DAAM1: variants seen among roughly 807,000 people sequenced by gnomAD.
The protein encoded by DAAM1 is dishevelled associated activator of morphogenesis 1.
DAAM1 carries 52 observed loss-of-function variants against 130.0 expected under a neutral mutation model. The observed-to-expected ratio is 0.40, with a 90% CI of 0.32 to 0.50. The LOEUF (loss-of-function observed/expected upper bound fraction) is 0.50. Among genes scored for constraint, DAAM1 ranks in the 20% least tolerant of loss-of-function variants. The probability of loss-of-function intolerance (pLI) is 0.61; values close to 1 mark genes in which losing one functional copy is unlikely to be tolerated. For synonymous variants in DAAM1, 452 were observed against 444.5 expected (o/e 1.02, Z -0.21); for missense variants, 1,134 against 1,303.8 (o/e 0.87, Z 2.01).
chr14:59,258,432 A>G (rs1248740872), intron 1 of DAAM1, among the ~76,000 whole-genome samples: 1 of 152,184 alleles, frequency 6.6e-6, no homozygotes, highest in Non-Finnish European at 1.5e-5. Flanking sequence ...ACCTCCTTCC[A>G]TCTTAAGTCT....
At chr14:59,272,436 TGTG>T (rs1174929019) in intron 2 of DAAM1, among the ~76,000 whole-genome samples, 2 of 151,896 alleles carry the variant, frequency 1.3e-5, no homozygotes, top group Non-Finnish European at 2.9e-5. Flanking sequence ...ATTAGCCAGA[TGTG>T]GTGGCACATG....
At chr14:59,216,903 T>C (rs1888598285) in intron 1 of DAAM1, among the ~76,000 whole-genome samples, 1 of 118,992 alleles carries the variant, frequency 8.4e-6, no homozygotes, top group South Asian at 3.3e-4. Context: ...ATATACTATG[T>C]GTATGTCTAT....
In DAAM1 at chr14:59,291,254, T is replaced by C. The variant is rs1328560487; in HGVS notation, c.221T>C (p.Met74Thr). The change falls in exon 3 of 25, where the codon ATG becomes ACG. Residue 74 changes from methionine to threonine, a missense_variant. Around this residue, in one of 3 missense-constraint regions of DAAM1, gnomAD observed 391 missense variants for 521.6 expected, o/e 0.75. Transcript: ENST00000360909. ...LDLTDKHREA[M>T]FALPAEKKWQ... is the part of the protein sequence containing the mutation. ...CTCACAGACAAACACAGAGAAGCCATGTTTGCACTTCCAGCTGAGAAAAAA... is the reference window on the plus strand; with the variant it reads ...CTCACAGACAAACACAGAGAAGCCACGTTTGCACTTCCAGCTGAGAAAAAA... The C allele has an allele frequency of 2.5e-6, 4 of 1,611,840 alleles. 1 individual carries two copies. Among genetic ancestry groups the C allele is most frequent in the Admixed American group, 3.4e-5 (2 of 59,656 alleles).
chr14:59,331,965 T>A (rs186554337), intron 15 of DAAM1, 45 bp downstream of exon 15: 1 of 1,521,702 alleles, frequency 6.6e-7, no homozygotes, highest in East Asian at 2.3e-5. Flanking sequence ...AGAAAAATCA[T>A]GTCTTATGCA....
chr14:59,191,250 T>G (rs1887721994), intron 1 of DAAM1, among the ~76,000 whole-genome samples: 1 of 152,124 alleles, frequency 6.6e-6, no homozygotes, highest in South Asian at 2.1e-4. Context: ...TACATCCCCA[T>G]GAGGAAACAG....
chr14:59,335,530 T>C (rs1338759798), intron 15 of DAAM1, among the ~76,000 whole-genome samples: 1 of 152,186 alleles, frequency 6.6e-6, no homozygotes, highest in Admixed American at 6.5e-5. Context: ...CTAGATGCTA[T>C]AAATTCATTT....
chr14:59,354,388 C>G (rs539370160), intron 19 of DAAM1, among the ~76,000 whole-genome samples: 2 of 152,188 alleles, frequency 1.3e-5, no homozygotes, highest in South Asian at 2.1e-4. Flanking sequence ...TTTTTTGGCT[C>G]AAGGTCTTTC....
chr14:59,231,062 T>C (rs1036073353), intron 1 of DAAM1, among the ~76,000 whole-genome samples: 4 of 152,200 alleles, frequency 2.6e-5, no homozygotes, highest in African/African-American at 9.7e-5. Flanking sequence ...AGGCAGGTGA[T>C]GTACTGAACA....
intron 1 of DAAM1, among the ~76,000 whole-genome samples, chr14:59,224,920 G>C (rs1203774512): frequency 1.3e-5 from 2 of 150,722 alleles, no homozygotes; most frequent in African/African-American, 4.9e-5. Flanking sequence ...CCATGAACCA[G>C]AAAGCAGCCC....
intron 2 of DAAM1, among the ~76,000 whole-genome samples, chr14:59,269,127 C>G (rs1329729480): frequency 6.6e-6 from 1 of 152,184 alleles, no homozygotes; most frequent in Non-Finnish European, 1.5e-5. Flanking sequence ...ATGGTCCTGT[C>G]CTTGATGATG....
At chr14:59,331,153 A>C (rs972264387) in intron 13 of DAAM1, 56 bp from the exon 14 acceptor site, 1 of 1,591,000 alleles carries the variant, frequency 6.3e-7, no homozygotes, top group African/African-American at 1.4e-5. Flanking sequence ...CTCTTAAATC[A>C]TTCAATGAAT....
At chr14:59,305,625 C>G (rs1036693723) in intron 3 of DAAM1, among the ~76,000 whole-genome samples, 2 of 152,146 alleles carry the variant, frequency 1.3e-5, no homozygotes, top group African/African-American at 2.4e-5. Context: ...CCTCTAACCA[C>G]CCCCCAACTC....
At chr14:59,338,547 T>A in intron 15 of DAAM1, 1 of 913,522 alleles carries the variant, frequency 1.1e-6, no homozygotes, top group Non-Finnish European at 1.7e-6. Context: ...CCTAGGTAAC[T>A]CCACTTTGGA....
At chr14:59,199,946 A>T (rs1888047593) in intron 1 of DAAM1, among the ~76,000 whole-genome samples, 1 of 152,180 alleles carries the variant, frequency 6.6e-6, no homozygotes, top group South Asian at 2.1e-4. Context: ...GCCATTTGAC[A>T]GAGTTTTGGA....
At chr14:59,309,769 A>T (rs1421946833) in intron 3 of DAAM1, among the ~76,000 whole-genome samples, 1 of 152,196 alleles carries the variant, frequency 6.6e-6, no homozygotes, top group Non-Finnish European at 1.5e-5. Flanking sequence ...CTTCGAGAAG[A>T]TGCTGTTTAC....
At chr14:59,301,665 A>C (rs1320210725) in intron 3 of DAAM1, among the ~76,000 whole-genome samples, 1 of 152,164 alleles carries the variant, frequency 6.6e-6, no homozygotes, top group African/African-American at 2.4e-5. Flanking sequence ...GGGCTCACGC[A>C]ATCAGCCCCT....
chr14:59,286,965 G>C (rs1234206696), intron 2 of DAAM1, among the ~76,000 whole-genome samples: 1 of 152,060 alleles, frequency 6.6e-6, no homozygotes, highest in African/African-American at 2.4e-5. Flanking sequence ...CCAAAGACTG[G>C]CAGAGACACA....
chr14:59,268,140 A>G (rs1882543198), intron 2 of DAAM1, among the ~76,000 whole-genome samples: 2 of 151,830 alleles, frequency 1.3e-5, no homozygotes, highest in South Asian at 4.2e-4. Flanking sequence ...TGACCTTGTG[A>G]TCCGCCCACC....
chr14:59,231,476 C>T lies in DAAM1; in HGVS notation c.-37-31965C>T, dbSNP rs562789849. On this transcript the variant is annotated intron_variant, in intron 1 of 24. Transcript: ENST00000360909. ...TTTGTTGATGCTTGCGAATGAAAGTCGAGCTATTTGGCAATTAATAAAACC... is the reference window on the plus strand; with the variant it reads ...TTTGTTGATGCTTGCGAATGAAAGTTGAGCTATTTGGCAATTAATAAAACC... 7.2e-5 allele frequency among the ~76,000 whole-genome samples: 11 copies of T among 152,210 alleles called. No individual in the cohort carries two copies. In the East Asian group the frequency reaches 7.7e-4, roughly 11 times the overall value.
Sources: allele counts gnomAD v4.1 joint callset (sites outside exome capture counted in the v4.1 genomes callset), GRCh38; gene constraint gnomAD v4.1.1; regional missense constraint gnomAD v4.1.1; transcripts MANE v1.5; gene names NCBI Gene and HGNC (gene_info 2026-07-23, HGNC 2026-07-21).